SMYD3: variants seen among roughly 807,000 people sequenced by gnomAD.
SMYD3 encodes SET and MYND domain containing 3.
A neutral mutation model predicts 57.7 loss-of-function variants in SMYD3; 36 were observed. That is an observed-to-expected ratio of 0.62 (90% CI 0.48 to 0.82). The LOEUF is 0.82. SMYD3 is among the 40% of genes least tolerant of loss of function. The pLI is 0.00. For synonymous variants in SMYD3, 211 were observed against 195.0 expected (o/e 1.08, Z -0.68); for missense variants, 515 against 538.8 (o/e 0.96, Z 0.44).
At chr1:246,482,177 G>A (rs994235135) in intron 1 of SMYD3, among the ~76,000 whole-genome samples, 8 of 151,928 alleles carry the variant, frequency 5.3e-5, no homozygotes, top group Non-Finnish European at 1.0e-4. Context: ...AAAAAATTCC[G>A]TAACTTCTAA....
chr1:246,123,935 C>G (rs924769364), intron 5 of SMYD3, among the ~76,000 whole-genome samples: 2 of 152,168 alleles, frequency 1.3e-5, no homozygotes. Context: ...ATCAACGCCT[C>G]TTACAAGTCA....
In SMYD3 at chr1:245,813,382, GCAAACCTC is replaced by G. The variant is rs1486750052; in HGVS notation, c.1076+45106_1076+45113del. ...ATAAGGGTCAACATGCAGCACACAA[GCAAACCTC>G]CTTCCCCCAGGTGCAAGCACAGCAG... On this transcript the variant is annotated intron_variant, in intron 10 of 11. Transcript: ENST00000490107. Among the ~76,000 whole-genome samples the G allele has an allele frequency of 3.9e-5, 6 of 152,166 alleles. No individual in the cohort carries two copies. The South Asian group carries it at 1.0e-3, about 26-fold the overall frequency.
intron 5 of SMYD3, among the ~76,000 whole-genome samples, chr1:246,058,886 T>TC (rs1439343343): frequency 1.3e-5 from 2 of 151,936 alleles, no homozygotes; most frequent in East Asian, 3.9e-4. Flanking sequence ...ACATTTCTTT[T>TC]TTTTTTTTTT....
intron 1 of SMYD3, among the ~76,000 whole-genome samples, chr1:246,470,117 T>C (rs2067937951): frequency 6.6e-6 from 1 of 152,202 alleles, no homozygotes; most frequent in South Asian, 2.1e-4. Context: ...TCAAAAATAT[T>C]AATATCATAA....
intron 1 of SMYD3, among the ~76,000 whole-genome samples, chr1:246,483,258 G>A (rs1015898273): frequency 5.3e-5 from 8 of 152,100 alleles, no homozygotes; most frequent in Admixed American, 4.6e-4. Flanking sequence ...TTGAAATCAG[G>A]CATTCTCATA....
intron 5 of SMYD3, among the ~76,000 whole-genome samples, chr1:246,007,778 C>T (rs1332009347): frequency 1.3e-5 from 2 of 151,250 alleles, no homozygotes; most frequent in Non-Finnish European, 2.9e-5. Context: ...GATCACACCA[C>T]TGCACTCCAG....
chr1:246,441,098 G>A (rs554903515), intron 1 of SMYD3, among the ~76,000 whole-genome samples: 2 of 152,250 alleles, frequency 1.3e-5, no homozygotes, highest in Admixed American at 6.5e-5. Context: ...CCTGCCGTTC[G>A]TAAGTACACG....
chr1:246,025,708 T>G (rs2148243641), intron 5 of SMYD3, among the ~76,000 whole-genome samples: 1 of 152,196 alleles, frequency 6.6e-6, no homozygotes, highest in Non-Finnish European at 1.5e-5. Context: ...GTGAGCATGA[T>G]CTCTCCCTTT....
At position 246,369,183 on chromosome 1, in the gene SMYD3, C is replaced by G. The variant is rs551518515; in HGVS notation, c.165-14089G>C. On this transcript the variant is annotated intron_variant, in intron 1 of 11. Transcript: ENST00000490107. ...TCACAGAAGTGCTCGGTAACTATTA[C>G]TCATTATCATCACAGTTTTACTATT... Among the ~76,000 whole-genome samples the G allele has an allele frequency of 2.2e-4, 33 of 152,270 alleles. No homozygotes were observed. The East Asian group carries it at 5.6e-3, about 26-fold the overall frequency.
chr1:246,108,245 A>G (rs1289142673), intron 5 of SMYD3, among the ~76,000 whole-genome samples: 2 of 152,222 alleles, frequency 1.3e-5, no homozygotes, highest in African/African-American at 4.8e-5. Flanking sequence ...GTGGAACAAG[A>G]ACCACTAAAA....
intron 1 of SMYD3, among the ~76,000 whole-genome samples, chr1:246,437,138 A>T (rs147461940): frequency 0.017 from 2,651 of 152,204 alleles, 38 homozygotes; most frequent in South Asian, 0.041. Flanking sequence ...ACCTCGGGTG[A>T]TCCACTCACC....
intron 10 of SMYD3, among the ~76,000 whole-genome samples, chr1:245,774,667 C>G (rs2046473929): frequency 7.6e-6 from 1 of 131,574 alleles, no homozygotes; most frequent in Non-Finnish European, 1.7e-5. Context: ...TTTCCACCGT[C>G]TCCCTCTCCC....
At position 245,751,622 on chromosome 1, in the gene SMYD3, AAG is replaced by A. The variant is rs766381379; in HGVS notation, c.1186-1960_1186-1959del. 2.3e-5 allele frequency among the ~76,000 whole-genome samples: 3 copies of A among 131,142 alleles called. No individual in the cohort carries two copies. In the Admixed American group the frequency reaches 2.3e-4, roughly 10 times the overall value. The allele number at this position is 131,142 out of a possible 152,430, so 86.0% of individuals were successfully genotyped here. On this transcript the variant is annotated intron_variant, in intron 11 of 11. Transcript: ENST00000490107. Reference sequence around the variant, plus strand: ...AGAGAGAGAGAAAGAGAGAGAGAAAAAGAGAGAGAGAGAGAAAGGGCCAGCGC... The same window carrying A: ...AGAGAGAGAGAAAGAGAGAGAGAAAAAGAGAGAGAGAGAAAGGGCCAGCGC...
chr1:246,227,652 GGAA>G (rs1350570932), intron 5 of SMYD3, among the ~76,000 whole-genome samples: 2 of 151,740 alleles, frequency 1.3e-5, no homozygotes, highest in Non-Finnish European at 2.9e-5. Context: ...GAAGGAAGAA[GGAA>G]GAAGAAGACA....
At chr1:246,176,989 G>A (rs2062445770) in intron 5 of SMYD3, among the ~76,000 whole-genome samples, 1 of 152,104 alleles carries the variant, frequency 6.6e-6, no homozygotes, top group Non-Finnish European at 1.5e-5. Context: ...CAAAGGAAAA[G>A]GAAAAGAAAC....
chr1:246,066,143 T>C (rs2060336588), intron 5 of SMYD3, among the ~76,000 whole-genome samples: 2 of 152,234 alleles, frequency 1.3e-5, no homozygotes, highest in African/African-American at 2.4e-5. Flanking sequence ...AAGTTATTAC[T>C]AGGCCCTACC....
intron 10 of SMYD3, among the ~76,000 whole-genome samples, chr1:245,779,189 A>G (rs1397564430): frequency 1.3e-5 from 2 of 151,860 alleles, no homozygotes; most frequent in African/African-American, 2.4e-5. Context: ...AAAGAAAAAG[A>G]AAAAGAAAAT....
intron 5 of SMYD3, among the ~76,000 whole-genome samples, chr1:245,977,583 G>A (rs931224128): frequency 3.9e-5 from 6 of 152,190 alleles, no homozygotes; most frequent in Non-Finnish European, 7.3e-5. Context: ...GGAGGCTGAG[G>A]CAGGAGAATT....
At chr1:245,886,963 C>T (rs976639359) in intron 8 of SMYD3, among the ~76,000 whole-genome samples, 3 of 152,112 alleles carry the variant, frequency 2.0e-5, no homozygotes, top group South Asian at 4.2e-4. Context: ...TTCCCTGATG[C>T]GCCATATTCT....
Sources: gnomAD v4.1 joint callset for allele counts (sites outside exome capture counted in the v4.1 genomes callset) on GRCh38, gnomAD v4.1.1 for gene constraint, MANE v1.5 for transcripts, NCBI Gene and HGNC (gene_info 2026-07-23, HGNC 2026-07-21) for gene names.